Variants in XKR4 observed in about 807,000 individuals in gnomAD.
XKR4 encodes the protein XK-related protein 4.
A neutral mutation model predicts 53.9 loss-of-function variants in XKR4; 12 were observed. The ratio of observed to expected loss-of-function variants is 0.22; its 90% CI spans 0.14 to 0.36. The LOEUF (loss-of-function observed/expected upper bound fraction) is 0.36. XKR4 is among the 10% of genes least tolerant of loss of function. The pLI, the probability that XKR4 is intolerant of heterozygous loss-of-function variation, is 1.00. For synonymous variants in XKR4, 354 were observed against 362.4 expected, an observed-to-expected ratio of 0.98 and a Z score of 0.26; for missense variants, 799 against 859.5, an observed-to-expected ratio of 0.93 and a Z score of 0.88.
intron 1 of XKR4, among the ~76,000 whole-genome samples, chr8:55,324,124 C>G (rs1005623475): frequency 6.6e-6 from 1 of 152,160 alleles, no homozygotes; most frequent in East Asian, 1.9e-4. Flanking sequence ...GAGACAAGGT[C>G]TTGCTCTGTC....
chr8:55,116,475 G>C (rs892086347), intron 1 of XKR4, among the ~76,000 whole-genome samples: 6 of 152,170 alleles, frequency 3.9e-5, no homozygotes, highest in African/African-American at 1.4e-4. Flanking sequence ...CAGTTTGATG[G>C]CATGCTTCAC....
chr8:55,450,286 T>C (rs1308846569), intron 2 of XKR4: 15 of 704,700 alleles, frequency 2.1e-5, no homozygotes, highest in Non-Finnish European at 2.6e-5. Flanking sequence ...CAGTTCCCAG[T>C]CATAGGGAGG....
intron 2 of XKR4, among the ~76,000 whole-genome samples, chr8:55,411,862 G>A (rs1804783010): frequency 6.6e-6 from 1 of 151,968 alleles, no homozygotes. Flanking sequence ...CACCCATGAA[G>A]GACAGTGACG....
At chr8:55,429,202 G>A (rs1805062328) in intron 2 of XKR4, among the ~76,000 whole-genome samples, 1 of 152,190 alleles carries the variant, frequency 6.6e-6, no homozygotes, top group Non-Finnish European at 1.5e-5. Flanking sequence ...TGGTGCTGGA[G>A]CAACTGGACA....
intron 1 of XKR4, among the ~76,000 whole-genome samples, chr8:55,199,012 A>G (rs1307979924): frequency 6.6e-6 from 1 of 152,238 alleles, no homozygotes; most frequent in African/African-American, 2.4e-5. Context: ...CAGCTCACGT[A>G]TAAGGAAGTG....
intron 2 of XKR4, among the ~76,000 whole-genome samples, chr8:55,473,968 C>T (rs949482972): frequency 7.9e-5 from 12 of 151,750 alleles, no homozygotes; most frequent in Non-Finnish European, 1.3e-4. Context: ...TGCAGTGGCA[C>T]GATCATAGCT....
intron 1 of XKR4, among the ~76,000 whole-genome samples, chr8:55,193,053 G>A (rs1817464289): frequency 6.6e-6 from 1 of 151,990 alleles, no homozygotes; most frequent in Non-Finnish European, 1.5e-5. Context: ...ACAGAAGGCA[G>A]TGGTGATGGG....
Position 55,103,033 on chromosome 8 carries a change from C to T in XKR4, c.545C>T (p.Ala182Val). The part of the protein sequence containing the change: ...STEDSATAAA[A>V]SSCPQPGADC... ...GAGGACAGCGCCACGGCCGCTGCTGCCTCCAGCTGCCCGCAGCCTGGAGCC... is the reference window on the plus strand; with the variant it reads ...GAGGACAGCGCCACGGCCGCTGCTGTCTCCAGCTGCCCGCAGCCTGGAGCC... The change falls in exon 1 of 3, where the codon GCC (alanine) becomes GTC (valine). Residue 182 changes from alanine (A) to valine (V), a missense_variant. This residue lies in a region of XKR4 where 476 missense variants were observed against 505.4 expected (regional missense o/e 0.94). Transcript: ENST00000327381. 6.2e-7 allele frequency: 1 copy of T among 1,612,610 alleles called. No individual in the cohort carries two copies. The highest frequency in any genetic ancestry group is 1.1e-5 in the South Asian group (1 of 91,042).
chr8:55,326,648 T>C (rs1395861573), intron 1 of XKR4, among the ~76,000 whole-genome samples: 1 of 151,554 alleles, frequency 6.6e-6, no homozygotes, highest in Non-Finnish European at 1.5e-5. Context: ...TTTTTGTACT[T>C]TTTATGGAGA....
At chr8:55,476,173 C>T (rs1042155775) in intron 2 of XKR4, among the ~76,000 whole-genome samples, 10 of 152,044 alleles carry the variant, frequency 6.6e-5, no homozygotes, top group African/African-American at 2.4e-4. Flanking sequence ...TTTCACAGTT[C>T]TCCCAAGGAT....
At chr8:55,415,734 G>T (rs1285882701) in intron 2 of XKR4, among the ~76,000 whole-genome samples, 1 of 152,048 alleles carries the variant, frequency 6.6e-6, no homozygotes, top group Non-Finnish European at 1.5e-5. Context: ...GTGATTATAG[G>T]GTGAAAAATA....
intron 1 of XKR4, among the ~76,000 whole-genome samples, chr8:55,217,241 C>CAAAAAAAAA (rs35294638): frequency 1.9e-5 from 2 of 106,044 alleles, no homozygotes. Flanking sequence ...GACTCTGTCT[C>CAAAAAAAAA]AAAAAAAAAA....
intron 1 of XKR4, among the ~76,000 whole-genome samples, chr8:55,288,835 C>T (rs899872376): frequency 2.0e-5 from 3 of 152,156 alleles, no homozygotes; most frequent in Non-Finnish European, 4.4e-5. Context: ...CATTCTTACC[C>T]CCAGTTTGAA....
At chr8:55,431,328 C>T (rs1028967297) in intron 2 of XKR4, among the ~76,000 whole-genome samples, 2 of 152,138 alleles carry the variant, frequency 1.3e-5, no homozygotes, top group Non-Finnish European at 2.9e-5. Flanking sequence ...ATTCCCAAAA[C>T]ATCATTAGGC....
At chr8:55,406,111 A>G (rs887736441) in intron 2 of XKR4, among the ~76,000 whole-genome samples, 2 of 152,234 alleles carry the variant, frequency 1.3e-5, no homozygotes, top group African/African-American at 2.4e-5. Context: ...GATCTGAGAC[A>G]TGGCCTTTGG....
At chr8:55,270,491 G>C (rs1047520786) in intron 1 of XKR4, among the ~76,000 whole-genome samples, 1 of 152,126 alleles carries the variant, frequency 6.6e-6, no homozygotes, top group Non-Finnish European at 1.5e-5. Context: ...ATCACCTCGT[G>C]TTGTTGTCTA....
chr8:55,137,710 C>T (rs1816650764), intron 1 of XKR4, among the ~76,000 whole-genome samples: 1 of 151,738 alleles, frequency 6.6e-6, no homozygotes, highest in African/African-American at 2.4e-5. Flanking sequence ...ACTACAGGTG[C>T]ATGCCACCAC....
chr8:55,373,354 A>T (rs1804100368), intron 2 of XKR4, among the ~76,000 whole-genome samples: 1 of 152,086 alleles, frequency 6.6e-6, no homozygotes, highest in African/African-American at 2.4e-5. Flanking sequence ...TTTAGTAGAG[A>T]TGGGGTTTCA....
rs897833211 is a variant in XKR4 at position 55,335,602 on chromosome 8, G to A, written c.807-22076G>A. On this transcript the variant is annotated intron_variant, in intron 1 of 2. Transcript: ENST00000327381. Reference sequence around the variant, plus strand: ...TTTATTCCAGTGAAAGGAAACCTATGTTCACACAAAATCCTGTATTTGAAT... The same window carrying A: ...TTTATTCCAGTGAAAGGAAACCTATATTCACACAAAATCCTGTATTTGAAT... Among the ~76,000 whole-genome samples the A allele has an allele frequency of 8.5e-5, 13 of 152,112 alleles. 1 individual carries two copies. Among genetic ancestry groups the A allele is most frequent in the Non-Finnish European group, 1.6e-4 (11 of 68,008 alleles).
Sources: allele counts gnomAD v4.1 joint callset (sites outside exome capture counted in the v4.1 genomes callset), GRCh38; gene constraint gnomAD v4.1.1; regional missense constraint gnomAD v4.1.1; transcripts MANE v1.5; gene names NCBI Gene and HGNC (gene_info 2026-07-23, HGNC 2026-07-21).